CLEC16A: variants seen among roughly 807,000 people sequenced by gnomAD.
The protein encoded by CLEC16A is protein CLEC16A.
Under a neutral mutation model 109.5 loss-of-function variants are expected in CLEC16A, and 51 were observed. That is an observed-to-expected ratio of 0.47 (90% CI 0.37 to 0.59). The LOEUF (loss-of-function observed/expected upper bound fraction) is 0.59. CLEC16A is among the 20% of genes least tolerant of loss of function. CLEC16A has a pLI of 0.00. For synonymous variants in CLEC16A, 673 were observed against 564.2 expected, an observed-to-expected ratio of 1.19 and a Z score of -2.73; for missense variants, 1,339 against 1,394.0, an observed-to-expected ratio of 0.96 and a Z score of 0.63.
chr16:11,015,604 C>T (rs545248403), intron 11 of CLEC16A, among the ~76,000 whole-genome samples: 7 of 152,232 alleles, frequency 4.6e-5, no homozygotes, highest in Non-Finnish European at 1.0e-4. Context: ...GTGGGATGCC[C>T]TGGAAAATTG....
chr16:10,989,435 G>A lies in CLEC16A; in HGVS notation c.1071+6444G>A, dbSNP rs562763858. ...TGTTTTGTGGAGATGGGGTTTCGCC[G>A]TGTTACCCAAGCTGGTCTCGAACTC... On this transcript the variant is annotated intron_variant, in intron 10 of 23. Coordinates refer to ENST00000409790, the MANE Select transcript of CLEC16A (RefSeq NM_015226.3). Among the ~76,000 whole-genome samples, 15 of 152,002 alleles carry A rather than the reference G, an allele frequency of 9.9e-5. No individual in the cohort carries two copies. In the South Asian group the frequency reaches 1.0e-3, roughly 11 times the overall value.
At chr16:10,979,091 G>A (rs931711402) in intron 8 of CLEC16A, among the ~76,000 whole-genome samples, 4 of 152,258 alleles carry the variant, frequency 2.6e-5, no homozygotes, top group South Asian at 2.1e-4. Flanking sequence ...CCTCTCATCC[G>A]TGAGTAATGG....
intron 10 of CLEC16A, among the ~76,000 whole-genome samples, chr16:10,992,154 A>G (rs1187980256): frequency 6.6e-6 from 1 of 152,148 alleles, no homozygotes; most frequent in Non-Finnish European, 1.5e-5. Context: ...AAGAGAAGAA[A>G]AAATACAATA....
At chr16:11,049,742 T>G (rs2152876498) in intron 17 of CLEC16A, among the ~76,000 whole-genome samples, 1 of 152,264 alleles carries the variant, frequency 6.6e-6, no homozygotes, top group East Asian at 1.9e-4. Flanking sequence ...AAAGGTTCAG[T>G]GAGGTGATGG....
chr16:10,953,399 C>T (rs1387353590), intron 1 of CLEC16A, among the ~76,000 whole-genome samples: 1 of 152,156 alleles, frequency 6.6e-6, no homozygotes, highest in Admixed American at 6.5e-5. Context: ...AGTCAGAATG[C>T]GAAGAGTAAA....
intron 19 of CLEC16A, among the ~76,000 whole-genome samples, chr16:11,063,703 G>C (rs554335025): frequency 6.6e-6 from 1 of 152,302 alleles, no homozygotes; most frequent in South Asian, 2.1e-4. Context: ...TCTCGGCTGG[G>C]TGTGACAGCC....
chr16:10,980,290 T>C (rs1313506031), intron 9 of CLEC16A, among the ~76,000 whole-genome samples: 1 of 152,156 alleles, frequency 6.6e-6, no homozygotes, highest in African/African-American at 2.4e-5. Context: ...AGTCCTATTC[T>C]GGGGCTATTT....
intron 10 of CLEC16A, among the ~76,000 whole-genome samples, chr16:10,998,218 G>T (rs778780810): frequency 6.6e-6 from 1 of 152,224 alleles, no homozygotes; most frequent in Non-Finnish European, 1.5e-5. Flanking sequence ...CAGCAGGCAG[G>T]TGCAGACGCT....
At position 11,158,728 on chromosome 16, in the gene CLEC16A, G is replaced by A. The variant is rs1381186312; in HGVS notation, c.2642-7660G>A. 2.0e-5 allele frequency among the ~76,000 whole-genome samples: 3 copies of A among 152,130 alleles called. No homozygotes were observed. The East Asian group carries it at 5.8e-4, about 29-fold the overall frequency. ...ACTTTAGGTCAGGAGTTCGAGGCCAGCCTGCCCAACTTGGTGACCCATCTC... is the reference window on the plus strand; with the variant it reads ...ACTTTAGGTCAGGAGTTCGAGGCCAACCTGCCCAACTTGGTGACCCATCTC... On this transcript the variant is annotated intron_variant, in intron 22 of 23. Transcript: ENST00000409790.
intron 19 of CLEC16A, 40 bp from the exon 20 acceptor site, chr16:11,120,575 C>T: frequency 6.4e-7 from 1 of 1,568,740 alleles, no homozygotes; most frequent in African/African-American, 1.4e-5. Context: ...CCTGGGCAGC[C>T]AGACTGTGCC....
chr16:11,058,385 C>T (rs1229187183), intron 18 of CLEC16A, among the ~76,000 whole-genome samples: 1 of 152,186 alleles, frequency 6.6e-6, no homozygotes, highest in African/African-American at 2.4e-5. Flanking sequence ...TATGCACATC[C>T]TCCTGTAGAC....
rs375067580 is a variant in CLEC16A at position 11,015,240 on chromosome 16, C to T, written c.1304-4953C>T. On this transcript the variant is annotated intron_variant, in intron 11 of 23. Coordinates refer to ENST00000409790, the MANE Select transcript of CLEC16A (RefSeq NM_015226.3). ...ATGAGGACTGTGAGGTGCAGCTGTGCGCACAGGTGTCACAGCCAGGGTGTG... is the reference window on the plus strand; with the variant it reads ...ATGAGGACTGTGAGGTGCAGCTGTGTGCACAGGTGTCACAGCCAGGGTGTG... 8.5e-4 allele frequency among the ~76,000 whole-genome samples: 130 copies of T among 152,116 alleles called. 7 individuals are homozygous for T. Among genetic ancestry groups the T allele is most frequent in the East Asian group, 3.3e-3 (17 of 5,180 alleles).
At chr16:11,092,934 T>C (rs1052172003) in intron 19 of CLEC16A, among the ~76,000 whole-genome samples, 1 of 152,224 alleles carries the variant, frequency 6.6e-6, no homozygotes, top group Non-Finnish European at 1.5e-5. Context: ...CTGTCCCCAG[T>C]CTAGTGGGAG....
chr16:10,979,280 C>T (rs200196466), intron 8 of CLEC16A, 49 bp from the exon 9 acceptor site: 31 of 1,559,422 alleles, frequency 2.0e-5, no homozygotes, highest in South Asian at 1.0e-4. Context: ...TTGTGCTGCT[C>T]GCTTGTGTGA....
chr16:11,042,333 C>T lies in CLEC16A; in HGVS notation c.1740C>T (p.Ile580=). 2 of 1,591,902 alleles carry T rather than the reference C, an allele frequency of 1.3e-6. No homozygotes were observed. Among genetic ancestry groups the T allele is most frequent in the Middle Eastern group, 3.4e-4 (2 of 5,838 alleles). The change falls in exon 15 of 24, where the codon ATC becomes ATT. Residue 580 remains isoleucine (I), a synonymous_variant. Transcript: ENST00000409790. ...KQQVLMSAGC[I]MKDVHLACLE... is the part of the protein sequence containing the mutation. ...AAGTCCTGATGAGTGCTGGCTGCATCATGAAGGACGTGCACCTGGCCTGCC... is the reference window on the plus strand; with the variant it reads ...AAGTCCTGATGAGTGCTGGCTGCATTATGAAGGACGTGCACCTGGCCTGCC...
At chr16:11,149,282 A>G (rs563788208) in intron 22 of CLEC16A, among the ~76,000 whole-genome samples, 2 of 152,288 alleles carry the variant, frequency 1.3e-5, no homozygotes, top group South Asian at 2.1e-4. Flanking sequence ...CTGTTTTGCT[A>G]TTACTGCAGA....
chr16:11,175,327 C>G (rs1476002685), intron 23 of CLEC16A, among the ~76,000 whole-genome samples: 1 of 152,204 alleles, frequency 6.6e-6, no homozygotes, highest in African/African-American at 2.4e-5. Flanking sequence ...TCCCATTACC[C>G]CCTCGGCTCT....
At chr16:10,978,075 C>T (rs987318745) in intron 8 of CLEC16A, among the ~76,000 whole-genome samples, 4 of 152,176 alleles carry the variant, frequency 2.6e-5, no homozygotes, top group Admixed American at 6.5e-5. Flanking sequence ...ATACAGACAG[C>T]GACAGAACTT....
chr16:11,098,077 C>G (rs2050707865), intron 19 of CLEC16A, among the ~76,000 whole-genome samples: 1 of 152,218 alleles, frequency 6.6e-6, no homozygotes, highest in African/African-American at 2.4e-5. Flanking sequence ...ATCAGACTGT[C>G]TGGGGGCAGG....
Sources: allele counts gnomAD v4.1 joint callset (sites outside exome capture counted in the v4.1 genomes callset), GRCh38; gene constraint gnomAD v4.1.1; transcripts MANE v1.5; gene names NCBI Gene and HGNC (gene_info 2026-07-23, HGNC 2026-07-21).